The following AKAP6 variants were observed in gnomAD, a reference collection of about 807,000 sequenced individuals.
The protein encoded by AKAP6 is A-kinase anchor protein 6.
A neutral mutation model predicts 188.5 loss-of-function variants in AKAP6; 58 were observed. The ratio of observed to expected loss-of-function variants is 0.31; its 90% CI spans 0.25 to 0.38. AKAP6 has a LOEUF of 0.38. AKAP6 is among the 10% of genes least tolerant of loss of function. AKAP6 has a pLI of 1.00. For synonymous variants in AKAP6, 989 were observed against 998.6 expected (o/e 0.99, Z 0.18); for missense variants, 2,710 against 2,740.0 (o/e 0.99, Z 0.24).
chr14:32,425,144 C>A (rs1394454951), intron 1 of AKAP6, among the ~76,000 whole-genome samples: 5 of 152,182 alleles, frequency 3.3e-5, no homozygotes, highest in African/African-American at 1.2e-4. Context: ...CACAACCTCA[C>A]CAGCATCTGT....
At chr14:32,770,687 A>G (rs532705143) in intron 11 of AKAP6, among the ~76,000 whole-genome samples, 2 of 152,340 alleles carry the variant, frequency 1.3e-5, no homozygotes, top group East Asian at 1.9e-4. Flanking sequence ...TCTGGTTCAC[A>G]CCATTCCCCT....
intron 1 of AKAP6, among the ~76,000 whole-genome samples, chr14:32,426,919 G>C (rs556835458): frequency 3.3e-5 from 5 of 152,182 alleles, no homozygotes; most frequent in Non-Finnish European, 5.9e-5. Context: ...ACAGCAGACT[G>C]TGTTCTGGGC....
In AKAP6 at chr14:32,824,317, G is replaced by A. The variant is rs144838103; in HGVS notation, c.6504G>A (p.Glu2168=). 2.7e-3 allele frequency: 4,372 copies of A among 1,613,804 alleles called. 11 individuals are homozygous for A. Among genetic ancestry groups the A allele is most frequent in the Non-Finnish European group, 3.2e-3 (3,833 of 1,179,902 alleles). ...TTGAGGGTGACTCTGATGGAGAGGA[G>A]CCTTGTTTCTCTAGTGCTCCTCCAA... ...ACVEGDSDGE[E]PCFSSAPPNE... The change falls in exon 13 of 14, where the codon GAG becomes GAA. Residue 2168 remains glutamate (E), a synonymous_variant. Coordinates refer to ENST00000280979, the MANE Select transcript of AKAP6 (RefSeq NM_004274.5).
At chr14:32,741,671 T>C (rs891426845) in intron 11 of AKAP6, among the ~76,000 whole-genome samples, 4 of 152,082 alleles carry the variant, frequency 2.6e-5, no homozygotes, top group African/African-American at 4.8e-5. Context: ...CATTGATTGA[T>C]TTGCATATGT....
chr14:32,732,121 C>G (rs1257512836), intron 9 of AKAP6, among the ~76,000 whole-genome samples: 1 of 151,862 alleles, frequency 6.6e-6, no homozygotes, highest in Non-Finnish European at 1.5e-5. Flanking sequence ...CACTCTGGAA[C>G]CAAATAATGG....
rs546819675 is a variant in AKAP6 at position 32,811,255 on chromosome 14, A to AAAAAAAAAAAAAAAAAAAAAAAT, written c.3589-10146_3589-10145insAAAAAAAAAAAAAAAAAAAAATA. Among the ~76,000 whole-genome samples the AAAAAAAAAAAAAAAAAAAAAAAT allele has an allele frequency of 8.5e-4, 100 of 118,324 alleles. 7 individuals carry two copies. The highest frequency in any genetic ancestry group is 2.9e-3 in the East Asian group (11 of 3,842). The allele number at this position is 118,324 out of a possible 152,430, so 77.6% of individuals were successfully genotyped here. Reference sequence around the variant, plus strand: ...CTCCGTCTCAGGAAAAAAAAAAAAAAAGTTGAAAAACAGACTAAGATAATG... The same window carrying AAAAAAAAAAAAAAAAAAAAAAAT: ...CTCCGTCTCAGGAAAAAAAAAAAAAAAAAAAAAAAAAAAAAAAAAAAATAGTTGAAAAACAGACTAAGATAATG... On this transcript the variant is annotated intron_variant, in intron 12 of 13. Coordinates refer to ENST00000280979, the MANE Select transcript of AKAP6 (RefSeq NM_004274.5).
chr14:32,358,319 A>T (rs1887548463), intron 1 of AKAP6, among the ~76,000 whole-genome samples: 1 of 152,234 alleles, frequency 6.6e-6, no homozygotes, highest in Non-Finnish European at 1.5e-5. Context: ...ACACTTGCTT[A>T]GTTCAGAACT....
At chr14:32,652,273 C>A (rs1443307899) in intron 7 of AKAP6, among the ~76,000 whole-genome samples, 5 of 152,122 alleles carry the variant, frequency 3.3e-5, no homozygotes. Context: ...TGTTCTTCTC[C>A]CCTTTTGTTC....
chr14:32,823,932 A>G lies in AKAP6; in HGVS notation c.6119A>G (p.Asn2040Ser), dbSNP rs1295428333. 1.2e-6 allele frequency: 2 copies of G among 1,613,994 alleles called. No homozygotes were observed. The highest frequency in any genetic ancestry group is 3.3e-5 in the Admixed American group (2 of 59,962). ...TCTATCAGCAACATTTCCTGTTGCA[A>G]CTGTGAGCCAGATGTTTTCCATCAA... The part of the protein sequence containing the change: ...NASISNISCC[N>S]CEPDVFHQKD... The change falls in exon 13 of 14, where the codon AAC (asparagine) becomes AGC (serine). Residue 2040 changes from asparagine (N) to serine (S), a missense_variant. Around this residue, in one of 2 missense-constraint regions of AKAP6, gnomAD observed 2,473 missense variants for 2,426.1 expected, o/e 1.02. Transcript: ENST00000280979.
intron 7 of AKAP6, among the ~76,000 whole-genome samples, chr14:32,603,551 C>T (rs1373927181): frequency 6.6e-6 from 1 of 152,130 alleles, no homozygotes; most frequent in Non-Finnish European, 1.5e-5. Context: ...ATATCAGAAC[C>T]TCATGGGTGG....
intron 12 of AKAP6, among the ~76,000 whole-genome samples, chr14:32,788,908 A>T (rs988734211): frequency 1.3e-5 from 2 of 152,084 alleles, no homozygotes; most frequent in African/African-American, 4.8e-5. Flanking sequence ...ACAAGTTAAG[A>T]CCTACTGGCT....
chr14:32,642,245 G>A (rs1277874440), intron 7 of AKAP6, among the ~76,000 whole-genome samples: 1 of 152,172 alleles, frequency 6.6e-6, no homozygotes, highest in Non-Finnish European at 1.5e-5. Flanking sequence ...AAATGGTTGT[G>A]TTTATTTTGT....
intron 1 of AKAP6, among the ~76,000 whole-genome samples, chr14:32,377,788 G>A (rs980776463): frequency 6.6e-6 from 1 of 152,190 alleles, no homozygotes; most frequent in African/African-American, 2.4e-5. Context: ...GAGCCCCTGA[G>A]TAATCATAAT....
At chr14:32,347,939 TTGC>T (rs1887120343) in intron 1 of AKAP6, among the ~76,000 whole-genome samples, 1 of 152,228 alleles carries the variant, frequency 6.6e-6, no homozygotes, top group Admixed American at 6.5e-5. Flanking sequence ...GTAACTTCAG[TTGC>T]TTTAGTTCTT....
chr14:32,660,511 C>T (rs944659403), intron 7 of AKAP6, among the ~76,000 whole-genome samples: 7 of 151,926 alleles, frequency 4.6e-5, no homozygotes, highest in Admixed American at 3.3e-4. Context: ...GGAAGAAGTT[C>T]GTCAGAGCAA....
At chr14:32,430,060 G>T (rs974225687) in intron 1 of AKAP6, among the ~76,000 whole-genome samples, 1 of 152,246 alleles carries the variant, frequency 6.6e-6, no homozygotes, top group South Asian at 2.1e-4. Context: ...CTTACAAAAC[G>T]CTGTTTTCAT....
chr14:32,716,441 G>A (rs2030204837), intron 9 of AKAP6, among the ~76,000 whole-genome samples: 1 of 150,398 alleles, frequency 6.6e-6, no homozygotes, highest in Admixed American at 6.7e-5. Context: ...GCTTTTAATG[G>A]CAAAAACCAC....
chr14:32,834,792 T>C lies in AKAP6; in HGVS notation c.*4987T>C, dbSNP rs190941671. The C allele has an allele frequency of 7.2e-5, 11 of 152,308 alleles. No homozygotes were observed. The East Asian group carries it at 2.1e-3, about 29-fold the overall frequency. The allele number at this position is 152,308 out of a possible 1,614,324, so 9.4% of individuals were successfully genotyped here. Reference sequence around the variant, plus strand: ...GATTGAATAACTGACATTCCTGATATGTTTTAAAGTTCACAGCTTACTCTT... The same window carrying C: ...GATTGAATAACTGACATTCCTGATACGTTTTAAAGTTCACAGCTTACTCTT... On this transcript the variant is annotated 3_prime_UTR_variant, in exon 14 of 14. Transcript: ENST00000280979.
At chr14:32,777,314 T>G (rs1167523329) in intron 12 of AKAP6, among the ~76,000 whole-genome samples, 1 of 152,138 alleles carries the variant, frequency 6.6e-6, no homozygotes, top group Non-Finnish European at 1.5e-5. Flanking sequence ...CTACCAGGAA[T>G]GGAAAGAAGC....
Sources: allele counts gnomAD v4.1 joint callset (sites outside exome capture counted in the v4.1 genomes callset), GRCh38; gene constraint gnomAD v4.1.1; regional missense constraint gnomAD v4.1.1; transcripts MANE v1.5; gene names NCBI Gene and HGNC (gene_info 2026-07-23, HGNC 2026-07-21).